The following AK9 variants were observed in gnomAD, a reference collection of about 807,000 sequenced individuals.
AK9 encodes the protein adenylate kinase domain containing 1.
A neutral mutation model predicts 239.6 loss-of-function variants in AK9; 191 were observed. The ratio of observed to expected loss-of-function variants is 0.80; its 90% confidence interval spans 0.71 to 0.90. The LOEUF (loss-of-function observed/expected upper bound fraction) is 0.90. AK9 is among the 40% of genes least tolerant of loss of function. The pLI is 0.00. For missense variants in AK9, 1,995 were observed against 2,214.7 expected, an observed-to-expected ratio of 0.90 and a Z score of 1.99; for synonymous variants, 689 against 721.0, an observed-to-expected ratio of 0.96 and a Z score of 0.71.
chr6:109,609,654 G>A (rs988082509), intron 17 of AK9, among the ~76,000 whole-genome samples: 27 of 152,152 alleles, frequency 1.8e-4, no homozygotes, highest in African/African-American at 6.5e-4. Flanking sequence ...ACCACCCAAT[G>A]TGTTACAAAG....
intron 5 of AK9, among the ~76,000 whole-genome samples, 166 bp from the exon 6 acceptor site, chr6:109,662,829 A>C (rs1800610778): frequency 6.6e-6 from 1 of 151,860 alleles, no homozygotes; most frequent in African/African-American, 2.4e-5. Flanking sequence ...TTGCCACATG[A>C]AGTGTAACTA....
chr6:109,502,812 G>A (rs1043154125), intron 35 of AK9, among the ~76,000 whole-genome samples: 1 of 152,158 alleles, frequency 6.6e-6, no homozygotes, highest in African/African-American at 2.4e-5. Context: ...GAATCTTACC[G>A]ACATCACATG....
At chr6:109,655,973 T>C (rs556483088) in intron 8 of AK9, among the ~76,000 whole-genome samples, 2 of 152,344 alleles carry the variant, frequency 1.3e-5, no homozygotes, top group African/African-American at 4.8e-5. Context: ...CACTCATTTA[T>C]CTTTAAAGTA....
chr6:109,589,780 C>T (rs1414292734), intron 17 of AK9, among the ~76,000 whole-genome samples: 1 of 152,042 alleles, frequency 6.6e-6, no homozygotes, highest in Non-Finnish European at 1.5e-5. Flanking sequence ...TGAAGTGATG[C>T]TGGATTTTAT....
At chr6:109,591,308 T>C (rs1454197283) in intron 17 of AK9, among the ~76,000 whole-genome samples, 1 of 152,182 alleles carries the variant, frequency 6.6e-6, no homozygotes, top group African/African-American at 2.4e-5. Flanking sequence ...GTTGATTTAA[T>C]ATCTGTTTTA....
At chr6:109,615,207 C>G (rs540852613) in intron 13 of AK9, among the ~76,000 whole-genome samples, 15 of 151,966 alleles carry the variant, frequency 9.9e-5, no homozygotes, top group Admixed American at 5.2e-4. Flanking sequence ...CTACTCCAAT[C>G]ACTGTCTGCC....
At chr6:109,574,035 T>A (rs952434084) in intron 20 of AK9, among the ~76,000 whole-genome samples, 3 of 152,146 alleles carry the variant, frequency 2.0e-5, no homozygotes, top group African/African-American at 7.2e-5. Flanking sequence ...AGATTTAATA[T>A]GAAAAACTAA....
chr6:109,641,415 TG>T, intron 10 of AK9, 102 bp downstream of exon 10: 2 of 766,558 alleles, frequency 2.6e-6, no homozygotes, highest in Non-Finnish European at 4.1e-6. Context: ...CTCAGACTCC[TG>T]GGCTCCAGTG....
At chr6:109,607,465 A>G (rs1793028878) in intron 17 of AK9, among the ~76,000 whole-genome samples, 1 of 152,192 alleles carries the variant, frequency 6.6e-6, no homozygotes, top group Admixed American at 6.5e-5. Flanking sequence ...CTATTTACAT[A>G]CCATTTACAT....
chr6:109,659,548 T>A, intron 6 of AK9, 135 bp from the exon 7 acceptor site: 1 of 1,161,008 alleles, frequency 8.6e-7, no homozygotes, highest in Non-Finnish European at 1.2e-6. Flanking sequence ...ATATTGTGAC[T>A]GGCATTTTGC....
intron 12 of AK9, among the ~76,000 whole-genome samples, chr6:109,620,496 T>C (rs1794682618): frequency 6.6e-6 from 1 of 152,146 alleles, no homozygotes; most frequent in Non-Finnish European, 1.5e-5. Context: ...ATAATTTCTA[T>C]GTTCTGGATA....
intron 17 of AK9, among the ~76,000 whole-genome samples, chr6:109,592,257 T>C: frequency 6.6e-6 from 1 of 151,936 alleles, no homozygotes; most frequent in East Asian, 1.9e-4. Context: ...CAAAACACAA[T>C]AATAATAATA....
chr6:109,493,273 C>T lies in AK9; in HGVS notation c.*96G>A. 7.5e-7 allele frequency: 1 copy of T among 1,333,836 alleles called. No homozygotes were observed. Among genetic ancestry groups the T allele is most frequent in the Non-Finnish European group, 1.0e-6 (1 of 964,096 alleles). 82.6% of individuals were successfully genotyped at this position (1,333,836 alleles called of 1,614,324 possible). On this transcript the variant is annotated 3_prime_UTR_variant, in exon 41 of 41. Transcript: ENST00000424296. ...GTACCTTGCTCAGGAGGCAAAAGTA[C>T]TTCCAAGAGGCCCAGATTTTCAATC...
Position 109,534,971 on chromosome 6 carries a change from T to G in AK9, c.3351-1501A>C, listed in dbSNP as rs1781782683. Among the ~76,000 whole-genome samples the G allele has an allele frequency of 2.0e-5, 3 of 152,188 alleles. No homozygotes were observed. In the South Asian group the frequency reaches 6.2e-4, roughly 32 times the overall value. On this transcript the variant is annotated intron_variant, in intron 27 of 40. Transcript: ENST00000424296. ...AATGGCTGCATAGTATTCCATGGTG[T>G]ATATGTGCAACATTTTCTTAATCCA...
At chr6:109,586,469 C>T (rs987860784) in intron 17 of AK9, among the ~76,000 whole-genome samples, 1 of 152,126 alleles carries the variant, frequency 6.6e-6, no homozygotes, top group African/African-American at 2.4e-5. Flanking sequence ...TATAATAATA[C>T]ATTTTTGCTA....
At chr6:109,592,273 G>A (rs968819157) in intron 17 of AK9, among the ~76,000 whole-genome samples, 4 of 151,990 alleles carry the variant, frequency 2.6e-5, no homozygotes, top group Non-Finnish European at 4.4e-5. Context: ...TAATAAAAGC[G>A]AGGTATTTCA....
Position 109,638,468 on chromosome 6 carries a change from G to A in AK9, c.933+3050C>T, listed in dbSNP as rs565937052. The stretch of plus-strand genomic sequence containing the variant: ...ATGTCTATTTATGATCCTGGCATAT[G>A]TTTTTGTTTTTTATTTTATTTTTAT... On this transcript the variant is annotated intron_variant, in intron 10 of 40. Transcript: ENST00000424296. Among the ~76,000 whole-genome samples the A allele has an allele frequency of 3.9e-5, 6 of 152,182 alleles. No individual in the cohort carries two copies. In the South Asian group the frequency reaches 6.2e-4, roughly 16 times the overall value.
In AK9 at chr6:109,598,918, GTTGT is replaced by G. The variant is rs542569842; in HGVS notation, c.1842+11443_1842+11446del. On this transcript the variant is annotated intron_variant, in intron 17 of 40. Coordinates refer to ENST00000424296, the MANE Select transcript of AK9 (RefSeq NM_001145128.3). ...TATCCTTTGCCCACTTGTTGATGGG[GTTGT>G]TTGTTTTTTTCTTGTAAATTTGTTT... Among the ~76,000 whole-genome samples the G allele has an allele frequency of 2.1e-3, 315 of 150,464 alleles. 1 individual carries two copies. Among genetic ancestry groups the G allele is most frequent in the Non-Finnish European group, 3.2e-3 (215 of 66,874 alleles).
intron 12 of AK9, chr6:109,632,101 G>A: frequency 1.1e-6 from 1 of 947,928 alleles, no homozygotes. Context: ...GACCTGGTTG[G>A]TGGTTACATG....
Sources: gnomAD v4.1 joint callset for allele counts (sites outside exome capture counted in the v4.1 genomes callset) on GRCh38, gnomAD v4.1.1 for gene constraint, MANE v1.5 for transcripts, NCBI Gene and HGNC (gene_info 2026-07-23, HGNC 2026-07-21) for gene names.